Variants in PCDH9 observed in about 807,000 individuals in gnomAD.
The protein encoded by PCDH9 is protocadherin-9.
A neutral mutation model predicts 70.6 loss-of-function variants in PCDH9; 24 were observed. That is an observed-to-expected ratio of 0.34 (90% CI 0.25 to 0.48). The LOEUF (loss-of-function observed/expected upper bound fraction) is 0.48. PCDH9 is among the 20% of genes least tolerant of loss of function. The pLI is 0.99. For missense variants in PCDH9, 1,281 were observed against 1,503.6 expected, an observed-to-expected ratio of 0.85 and a Z score of 2.45; for synonymous variants, 562 against 558.5, an observed-to-expected ratio of 1.01 and a Z score of -0.09.
chr13:67,015,397 G>T (rs755938753), intron 2 of PCDH9, among the ~76,000 whole-genome samples: 1 of 152,048 alleles, frequency 6.6e-6, no homozygotes, highest in Admixed American at 6.6e-5. Context: ...ATCAAACTTT[G>T]TTAGTTATCC....
intron 3 of PCDH9, among the ~76,000 whole-genome samples, chr13:66,845,578 C>T (rs542426270): frequency 3.3e-5 from 5 of 152,234 alleles, no homozygotes; most frequent in African/African-American, 1.2e-4. Context: ...GCTCCCGGCC[C>T]CCAAGTGCAC....
intron 4 of PCDH9, among the ~76,000 whole-genome samples, chr13:66,335,065 T>C (rs1023179257): frequency 3.9e-5 from 6 of 152,100 alleles, no homozygotes; most frequent in Non-Finnish European, 4.4e-5. Context: ...TTCATCTAAA[T>C]AGCCTTCAAA....
intron 4 of PCDH9, among the ~76,000 whole-genome samples, chr13:66,563,765 C>T (rs578187269): frequency 5.9e-5 from 9 of 152,146 alleles, no homozygotes; most frequent in African/African-American, 1.2e-4. Flanking sequence ...TCTGTTTTTT[C>T]GTTTTGGCTT....
chr13:66,341,818 A>C (rs939107427), intron 4 of PCDH9, among the ~76,000 whole-genome samples: 1 of 152,180 alleles, frequency 6.6e-6, no homozygotes, highest in Non-Finnish European at 1.5e-5. Context: ...GGCAGAACAG[A>C]GGCAGACTGG....
Position 66,958,735 on chromosome 13 carries a change from G to A in PCDH9, c.3037-55130C>T, listed in dbSNP as rs148270592. Reference sequence around the variant, plus strand: ...AGAGCATTTCTATATTAGGCACAGAGCTTTGCTGCTGTTTTTAAGCTAAGT... The same window carrying A: ...AGAGCATTTCTATATTAGGCACAGAACTTTGCTGCTGTTTTTAAGCTAAGT... On this transcript the variant is annotated intron_variant, in intron 2 of 4. Coordinates refer to ENST00000377865, the MANE Select transcript of PCDH9 (RefSeq NM_203487.3). Among the ~76,000 whole-genome samples the A allele has an allele frequency of 4.5e-4, 69 of 152,136 alleles. 1 individual carries two copies. Among genetic ancestry groups the A allele is most frequent in the African/African-American group, 1.6e-3 (65 of 41,506 alleles).
chr13:67,113,793 C>T (rs1027508564), intron 2 of PCDH9, among the ~76,000 whole-genome samples: 5 of 152,050 alleles, frequency 3.3e-5, no homozygotes, highest in Admixed American at 1.3e-4. Context: ...ATGATCTGCC[C>T]GCCTCGGCCT....
intron 2 of PCDH9, among the ~76,000 whole-genome samples, chr13:67,083,968 T>C (rs1015159003): frequency 2.0e-5 from 3 of 152,136 alleles, no homozygotes; most frequent in African/African-American, 4.8e-5. Flanking sequence ...TTCTAGTATA[T>C]GCCAAACAGA....
intron 2 of PCDH9, among the ~76,000 whole-genome samples, chr13:67,048,282 C>T (rs2085260944): frequency 6.6e-6 from 1 of 152,116 alleles, no homozygotes; most frequent in East Asian, 1.9e-4. Flanking sequence ...TATGTTTCCC[C>T]ATCCATAAAT....
chr13:66,681,859 G>C (rs1051264162), intron 3 of PCDH9, among the ~76,000 whole-genome samples: 1 of 151,234 alleles, frequency 6.6e-6, no homozygotes, highest in Non-Finnish European at 1.5e-5. Context: ...GCCTGGCATA[G>C]ACTAGGCATT....
chr13:66,404,229 A>G (rs1957240343), intron 4 of PCDH9, among the ~76,000 whole-genome samples: 1 of 152,182 alleles, frequency 6.6e-6, no homozygotes, highest in Non-Finnish European at 1.5e-5. Context: ...TAAGGAAAAT[A>G]CTGATGCTTG....
At chr13:66,901,671 C>G (rs1222036500) in intron 3 of PCDH9, among the ~76,000 whole-genome samples, 1 of 151,542 alleles carries the variant, frequency 6.6e-6, no homozygotes, top group Non-Finnish European at 1.5e-5. Flanking sequence ...TTCCCTAGAC[C>G]TTTAGTCAAA....
At chr13:66,772,878 T>C (rs2079830270) in intron 3 of PCDH9, among the ~76,000 whole-genome samples, 2 of 151,922 alleles carry the variant, frequency 1.3e-5, no homozygotes, top group African/African-American at 2.4e-5. Context: ...ATTATCTATA[T>C]AGAGGTACAC....
intron 4 of PCDH9, among the ~76,000 whole-genome samples, chr13:66,400,409 T>A (rs1042452647): frequency 6.6e-6 from 1 of 152,214 alleles, no homozygotes; most frequent in Non-Finnish European, 1.5e-5. Flanking sequence ...CATAAGTATG[T>A]CATATCTCTA....
chr13:66,961,095 A>G (rs954238193), intron 2 of PCDH9, among the ~76,000 whole-genome samples: 8 of 152,198 alleles, frequency 5.3e-5, no homozygotes, highest in Admixed American at 3.3e-4. Context: ...AGTACAAAAA[A>G]TTTACCATGT....
chr13:66,557,956 C>A (rs1961811902), intron 4 of PCDH9, among the ~76,000 whole-genome samples: 1 of 152,090 alleles, frequency 6.6e-6, no homozygotes, highest in South Asian at 2.1e-4. Flanking sequence ...GTTTGGAGAC[C>A]AGTGTGGGCA....
chr13:66,332,891 T>C (rs1369335312), intron 4 of PCDH9, among the ~76,000 whole-genome samples: 1 of 152,000 alleles, frequency 6.6e-6, no homozygotes, highest in African/African-American at 2.4e-5. Flanking sequence ...TTCACAGAAC[T>C]AAACAGGGAT....
At chr13:67,096,392 T>A (rs1335172058) in intron 2 of PCDH9, among the ~76,000 whole-genome samples, 1 of 152,216 alleles carries the variant, frequency 6.6e-6, no homozygotes, top group Non-Finnish European at 1.5e-5. Context: ...AAACTATTAT[T>A]TTTATTTCAA....
intron 4 of PCDH9, among the ~76,000 whole-genome samples, chr13:66,519,848 T>C (rs959909754): frequency 6.6e-6 from 1 of 152,172 alleles, no homozygotes; most frequent in Non-Finnish European, 1.5e-5. Context: ...TTTACAGACT[T>C]TGAGCTTCTC....
At chr13:66,779,849 C>CTCTATCTCTATATA (rs1395244975) in intron 3 of PCDH9, among the ~76,000 whole-genome samples, 2 of 78,920 alleles carry the variant, frequency 2.5e-5, no homozygotes, top group African/African-American at 1.0e-4. Context: ...CTCTCTCTCT[C>CTCTATCTCTATATA]TATATATATA....
Sources: gnomAD v4.1 joint callset for allele counts (sites outside exome capture counted in the v4.1 genomes callset) on GRCh38, gnomAD v4.1.1 for gene constraint, MANE v1.5 for transcripts, NCBI Gene and HGNC (gene_info 2026-07-23, HGNC 2026-07-21) for gene names.